The following RC3H1 variants were observed in gnomAD, a reference collection of about 807,000 sequenced individuals.
RC3H1 encodes ring finger and CCCH-type domains 1.
Under a neutral mutation model 138.2 loss-of-function variants are expected in RC3H1, and 50 were observed. The ratio of observed to expected loss-of-function variants is 0.36; its 90% CI spans 0.29 to 0.46. The LOEUF (loss-of-function observed/expected upper bound fraction) is 0.46. Among genes scored for constraint, RC3H1 ranks in the 20% least tolerant of loss-of-function variants. The probability of loss-of-function intolerance (pLI) is 1.00; values close to 1 mark genes in which losing one functional copy is unlikely to be tolerated. For missense variants in RC3H1, 1,031 were observed against 1,388.1 expected (o/e 0.74, Z 4.09); for synonymous variants, 462 against 489.1 (o/e 0.94, Z 0.73).
In RC3H1 at chr1:173,975,766, C is replaced by T. The variant is rs957199068; in HGVS notation, c.1102+2722G>A. On this transcript the variant is annotated intron_variant, in intron 7 of 19. Coordinates refer to ENST00000367696, the MANE Select transcript of RC3H1 (RefSeq NM_172071.4). ...ACAAAAAATTAGCCGGGCGTAGTGG[C>T]GGGCGCCTGTAGTCCCAGCTACTTG... 7.9e-4 allele frequency among the ~76,000 whole-genome samples: 75 copies of T among 95,454 alleles called. 9 individuals carry two copies. The highest frequency in any genetic ancestry group is 5.0e-4 in the Non-Finnish European group (28 of 56,450). 62.6% of individuals were successfully genotyped at this position (95,454 alleles called of 152,430 possible). A position where few individuals can be genotyped will look rare whatever the true frequency, so the allele number is the denominator to read the frequency against.
At chr1:173,973,297 G>A (rs1571208708) in intron 7 of RC3H1, among the ~76,000 whole-genome samples, 1 of 152,070 alleles carries the variant, frequency 6.6e-6, no homozygotes, top group African/African-American at 2.4e-5. Context: ...CAGCACTTTC[G>A]CAGGCCGAGG....
Position 173,980,863 on chromosome 1 carries a change from A to G in RC3H1, c.915T>C (p.Ser305=), listed in dbSNP as rs139699022. ...GLRIAPDQWS[S]LLYGDQSHKS... ...TGTGAGACTGGTCTCCATAAAGCAA[A>G]GAGGACCACTGGTCCGGTGCAATTC... The change falls in exon 6 of 20, where the codon TCT becomes TCC. Residue 305 remains serine (S), a synonymous_variant. Coordinates refer to ENST00000367696, the MANE Select transcript of RC3H1 (RefSeq NM_172071.4). The G allele has an allele frequency of 6.2e-6, 10 of 1,614,056 alleles. No individual in the cohort carries two copies. Among genetic ancestry groups the G allele is most frequent in the Non-Finnish European group, 8.5e-6 (10 of 1,180,024 alleles).
chr1:173,958,163 CCTTA>C (rs1237460463), intron 13 of RC3H1, among the ~76,000 whole-genome samples: 2 of 151,496 alleles, frequency 1.3e-5, no homozygotes, highest in African/African-American at 2.4e-5. Context: ...TCCTGAGAAA[CCTTA>C]CTTGATTATT....
intron 19 of RC3H1, among the ~76,000 whole-genome samples, 180 bp from the exon 20 acceptor site, chr1:173,939,051 T>C (rs1286604923): frequency 1.3e-5 from 2 of 150,090 alleles, no homozygotes; most frequent in African/African-American, 4.9e-5. Flanking sequence ...CAGGTGCGTA[T>C]TTTTTTTTTC....
At chr1:174,003,863 G>A (rs993635342) in intron 1 of RC3H1, among the ~76,000 whole-genome samples, 1 of 151,350 alleles carries the variant, frequency 6.6e-6, no homozygotes, top group Non-Finnish European at 1.5e-5. Context: ...GGGTTTCACC[G>A]TGTTAGCCAG....
At position 173,932,626 on chromosome 1, in the gene RC3H1, T is replaced by C. The variant is rs1332374900; in HGVS notation, c.*6095A>G. The stretch of plus-strand genomic sequence containing the variant: ...TGAAAATTTAGGCCAACGATCCATC[T>C]GGAAAAAATAACTCTCAAGACAGTG... On this transcript the variant is annotated 3_prime_UTR_variant, in exon 20 of 20. Coordinates refer to ENST00000367696, the MANE Select transcript of RC3H1 (RefSeq NM_172071.4). The C allele has an allele frequency of 6.6e-6, 1 of 152,060 alleles. No homozygotes were observed. The highest frequency in any genetic ancestry group is 1.5e-5 in the Non-Finnish European group (1 of 67,956). 9.4% of individuals were successfully genotyped at this position (152,060 alleles called of 1,614,324 possible).
intron 9 of RC3H1, among the ~76,000 whole-genome samples, 187 bp from the exon 10 acceptor site, chr1:173,965,307 A>G (rs1660064252): frequency 6.6e-6 from 1 of 152,218 alleles, no homozygotes; most frequent in Non-Finnish European, 1.5e-5. Context: ...AAAAATGTGT[A>G]ACATAGGCCG....
chr1:173,964,941 G>T lies in RC3H1; in HGVS notation c.1514C>A (p.Thr505Lys), dbSNP rs774191539. Residue 505 changes from threonine to lysine, a missense_variant, in exon 10 of 20, where the codon ACA becomes AAA. Transcript: ENST00000367696. ...NGIVSTGNTV[T>K]QLIPRGTDPS... is the part of the protein sequence containing the mutation. Reference sequence around the variant, plus strand: ...GTCTGTCCCTCGCGGAATAAGCTGTGTTACTGTATTCCCTGTTGATACAAT... The same window carrying T: ...GTCTGTCCCTCGCGGAATAAGCTGTTTTACTGTATTCCCTGTTGATACAAT... The T allele has an allele frequency of 1.2e-6, 2 of 1,614,062 alleles. No individual in the cohort carries two copies. Among genetic ancestry groups the T allele is most frequent in the Non-Finnish European group, 1.7e-6 (2 of 1,180,002 alleles).
At chr1:174,008,976 G>GAAAAAAAAAAAAAAAAAAAAAA (rs59047478) in intron 1 of RC3H1, among the ~76,000 whole-genome samples, 1 of 84,242 alleles carries the variant, frequency 1.2e-5, no homozygotes, top group African/African-American at 3.8e-5. Flanking sequence ...GACTTTGTCT[G>GAAAAAAAAAAAAAAAAAAAAAA]AAAAAAAAAA....
rs1395936322 is a variant in RC3H1, at chr1:174,022,150, A to ACCGCCGCGGCAGCCGCCG, written c.-223_-206dup. On this transcript the variant is annotated 5_prime_UTR_variant, in exon 1 of 20. Transcript: ENST00000367696. This position sits in a 1 kb window ranked among gnomAD's most constrained non-coding sequence, Gnocchi z 4.2. ...GCTCCGAGTCCCCGCGGCCGTCGCC[A>ACCGCCGCGGCAGCCGCCG]CCGCCGCGGCAGCCGCCGCCGCCGC... The ACCGCCGCGGCAGCCGCCG allele has an allele frequency of 2.5e-6, 1 of 395,410 alleles. No homozygotes were observed. Among genetic ancestry groups the ACCGCCGCGGCAGCCGCCG allele is most frequent in the Non-Finnish European group, 4.5e-6 (1 of 224,624 alleles). 24.5% of individuals were successfully genotyped at this position (395,410 alleles called of 1,614,324 possible). A position where few individuals can be genotyped will look rare whatever the true frequency, so the allele number is the denominator to read the frequency against.
At chr1:174,001,658 C>G (rs1001906675) in intron 1 of RC3H1, among the ~76,000 whole-genome samples, 1 of 152,064 alleles carries the variant, frequency 6.6e-6, no homozygotes, top group African/African-American at 2.4e-5. Context: ...GTCTCAAACT[C>G]CTGGTCTCAA....
chr1:173,964,955 T>C lies in RC3H1; in HGVS notation c.1500A>G (p.Thr500=). The C allele has an allele frequency of 6.2e-7, 1 of 1,614,162 alleles. No homozygotes were observed. Among genetic ancestry groups the C allele is most frequent in the Non-Finnish European group, 8.5e-7 (1 of 1,180,032 alleles). ...PPALPNGIVS[T]GNTVTQLIPR... ...GAATAAGCTGTGTTACTGTATTCCC[T>C]GTTGATACAATTCCATTTGGCAGAG... The change falls in exon 10 of 20, where the codon ACA becomes ACG. Residue 500 remains threonine (T), a synonymous_variant. Coordinates refer to ENST00000367696, the MANE Select transcript of RC3H1 (RefSeq NM_172071.4).
At chr1:174,010,406 G>A (rs963947371) in intron 1 of RC3H1, among the ~76,000 whole-genome samples, 4 of 151,740 alleles carry the variant, frequency 2.6e-5, no homozygotes, top group African/African-American at 9.7e-5. Context: ...AGATCACAAA[G>A]CAACCTTTTT....
chr1:173,992,930 T>G lies in RC3H1; in HGVS notation c.56A>C (p.Gln19Pro). 6.2e-7 allele frequency: 1 copy of G among 1,614,098 alleles called. No individual in the cohort carries two copies. The highest frequency in any genetic ancestry group is 8.5e-7 in the Non-Finnish European group (1 of 1,180,016). The change falls in exon 2 of 20, where the codon CAG (glutamine) becomes CCG (proline). Residue 19 changes from glutamine (Q) to proline (P), a missense_variant. By Grantham distance (76) the Gln-to-Pro change is moderately conservative. Transcript: ENST00000367696. ...TDFLSCPICTQTFDETIRKPI... is the reference protein window; with the variant it reads ...TDFLSCPICTPTFDETIRKPI... ...CTTTCGAATTGTTTCGTCGAAAGTC[T>G]GAGTGCAAATTGGGCAGGAGAGGAA...
chr1:173,943,575 G>T lies in RC3H1; in HGVS notation c.3002C>A (p.Thr1001Asn), dbSNP rs150779657. 5 of 1,613,874 alleles carry T rather than the reference G, an allele frequency of 3.1e-6. No homozygotes were observed. The highest frequency in any genetic ancestry group is 2.7e-5 in the African/African-American group (2 of 74,918). Residue 1001 changes from threonine (T) to asparagine (N), a missense_variant, in exon 18 of 20, where the codon ACC (threonine) becomes AAC (asparagine). This residue lies in a region of RC3H1 where 716 missense variants were observed against 837.9 expected (regional missense o/e 0.85). Transcript: ENST00000367696. ...NRLVLQREAN[T>N]LAGQSQPPPP... ...TGGGGGCTGTGACTGGCCTGCCAGGGTGTTTGCCTCCCTCTGCAACACCAG... is the reference window on the plus strand; with the variant it reads ...TGGGGGCTGTGACTGGCCTGCCAGGTTGTTTGCCTCCCTCTGCAACACCAG...
intron 18 of RC3H1, among the ~76,000 whole-genome samples, chr1:173,941,981 G>A (rs552083982): frequency 4.5e-4 from 68 of 149,620 alleles, no homozygotes; most frequent in Non-Finnish European, 3.3e-4. Flanking sequence ...GCTCACACCA[G>A]TAATCCCAGC....
intron 1 of RC3H1, among the ~76,000 whole-genome samples, chr1:174,016,412 T>C (rs1277702444): frequency 2.7e-5 from 4 of 149,304 alleles, no homozygotes; most frequent in African/African-American, 1.0e-4. Flanking sequence ...CTTATCATTT[T>C]TTAAGTTTCC....
At chr1:173,950,174 A>G (rs1659328151) in intron 14 of RC3H1, among the ~76,000 whole-genome samples, 1 of 152,168 alleles carries the variant, frequency 6.6e-6, no homozygotes, top group Non-Finnish European at 1.5e-5. Flanking sequence ...TCTCAAAAAA[A>G]AAGTACACAT....
intron 9 of RC3H1, among the ~76,000 whole-genome samples, chr1:173,967,015 GT>G (rs1013759990): frequency 2.0e-5 from 3 of 151,434 alleles, no homozygotes; most frequent in East Asian, 3.9e-4. Flanking sequence ...GGCTGGTTGG[GT>G]TTTTTTTGGC....
Sources: gnomAD v4.1 joint callset for allele counts (sites outside exome capture counted in the v4.1 genomes callset) on GRCh38, gnomAD v4.1.1 for gene constraint, gnomAD v4.1.1 regional missense constraint, Gnocchi (gnomAD v3.1) non-coding constraint, MANE v1.5 for transcripts, NCBI Gene and HGNC (gene_info 2026-07-23, HGNC 2026-07-21) for gene names.